Variants in SH3BGRL2 observed in about 807,000 individuals in gnomAD.
The protein encoded by SH3BGRL2 is SH3 domain binding glutamate rich protein like 2, also known as SH3 domain-binding glutamic acid-rich-like protein 2.
Under a neutral mutation model 14.8 loss-of-function variants are expected in SH3BGRL2, and 21 were observed. The observed-to-expected ratio is 1.42, with a 90% CI of 1.01 to 2.05. The LOEUF is 2.05. SH3BGRL2 is among the 30% of genes most tolerant of loss of function. The pLI is 0.00. For missense variants in SH3BGRL2, 147 were observed against 130.8 expected (o/e 1.12, Z -0.61); for synonymous variants, 50 against 47.8 (o/e 1.05, Z -0.19).
chr6:79,686,878 C>G (rs191132449), intron 2 of SH3BGRL2, among the ~76,000 whole-genome samples: 9 of 152,170 alleles, frequency 5.9e-5, no homozygotes, highest in Admixed American at 3.9e-4. Flanking sequence ...CTCAGGTGCC[C>G]GTGAAAGAGC....
intron 3 of SH3BGRL2, among the ~76,000 whole-genome samples, chr6:79,699,235 T>C (rs1031516327): frequency 1.3e-5 from 2 of 152,122 alleles, no homozygotes; most frequent in African/African-American, 4.8e-5. Flanking sequence ...ACAGTACCTC[T>C]GAGAGGAATC....
At chr6:79,631,961 GCT>G (rs1768834460) in intron 1 of SH3BGRL2, among the ~76,000 whole-genome samples, 1 of 152,166 alleles carries the variant, frequency 6.6e-6, no homozygotes, top group Non-Finnish European at 1.5e-5. Flanking sequence ...AGTGGGAATT[GCT>G]CTCTGTCCTC....
At chr6:79,664,479 A>G (rs1224200215) in intron 1 of SH3BGRL2, among the ~76,000 whole-genome samples, 2 of 152,210 alleles carry the variant, frequency 1.3e-5, no homozygotes, top group Admixed American at 6.5e-5. Flanking sequence ...CCAAGGTGAC[A>G]CAGACCCAAC....
At chr6:79,593,923 G>T in the SH3BGRL2 span, among the ~76,000 whole-genome samples, 3 of 151,912 alleles carry the variant, frequency 2.0e-5, no homozygotes, top group Non-Finnish European at 4.4e-5. Flanking sequence ...TCATCAGGAG[G>T]CTGAGGCAGG....
At chr6:79,655,301 G>T (rs1256352775) in intron 1 of SH3BGRL2, among the ~76,000 whole-genome samples, 1 of 152,090 alleles carries the variant, frequency 6.6e-6, no homozygotes, top group Admixed American at 6.5e-5. Context: ...AACTACTTTT[G>T]TACCATGGGT....
chr6:79,625,942 A>T, the SH3BGRL2 span, among the ~76,000 whole-genome samples: 2 of 152,150 alleles, frequency 1.3e-5, no homozygotes, highest in East Asian at 3.9e-4. Context: ...TAACAGCCAA[A>T]GGTGCTGACT....
At chr6:79,585,007 CTATTA>C in the SH3BGRL2 span, among the ~76,000 whole-genome samples, 1 of 150,044 alleles carries the variant, frequency 6.7e-6, no homozygotes, top group Non-Finnish European at 1.5e-5. Context: ...ACAAAATGTG[CTATTA>C]TTTTATGTAC....
chr6:79,629,202 CT>C (rs908417391), upstream of SH3BGRL2, among the ~76,000 whole-genome samples: 1 of 152,218 alleles, frequency 6.6e-6, no homozygotes, highest in Non-Finnish European at 1.5e-5. Context: ...ATCTCCAACT[CT>C]TTTTTACAAA....
intron 1 of SH3BGRL2, among the ~76,000 whole-genome samples, chr6:79,648,857 T>G (rs1245858750): frequency 6.6e-6 from 1 of 152,166 alleles, no homozygotes; most frequent in Non-Finnish European, 1.5e-5. Context: ...GGGACAAGAT[T>G]TATTTTACTG....
In SH3BGRL2 at chr6:79,700,057, G is replaced by A. The variant is rs1482405080; in HGVS notation, c.*548G>A. On this transcript the variant is annotated 3_prime_UTR_variant, in exon 4 of 4. Coordinates refer to ENST00000369838, the MANE Select transcript of SH3BGRL2 (RefSeq NM_031469.4). ...GTAATAACACCTGGTGAAAAAGTTAGATATTCTAGACTTGTTTTAGTAATG... is the reference window on the plus strand; with the variant it reads ...GTAATAACACCTGGTGAAAAAGTTAAATATTCTAGACTTGTTTTAGTAATG... 1.3e-5 allele frequency: 2 copies of A among 152,404 alleles called. No homozygotes were observed. The highest frequency in any genetic ancestry group is 2.9e-5 in the Non-Finnish European group (2 of 68,234). The allele number at this position is 152,404 out of a possible 1,614,324, so 9.4% of individuals were successfully genotyped here.
At chr6:79,555,988 G>A in the SH3BGRL2 span, among the ~76,000 whole-genome samples, 1 of 152,072 alleles carries the variant, frequency 6.6e-6, no homozygotes, top group Non-Finnish European at 1.5e-5. Context: ...AAATGATTCT[G>A]GGACATGTCG....
At position 79,700,863 on chromosome 6, in the gene SH3BGRL2, A is replaced by C. The variant is rs999355693; in HGVS notation, c.*1354A>C. The C allele has an allele frequency of 2.3e-4, 35 of 152,242 alleles. No individual in the cohort carries two copies. Among genetic ancestry groups the C allele is most frequent in the African/African-American group, 8.2e-4 (34 of 41,532 alleles). The allele number at this position is 152,242 out of a possible 1,614,324, so 9.4% of individuals were successfully genotyped here. On this transcript the variant is annotated 3_prime_UTR_variant, in exon 4 of 4. Coordinates refer to ENST00000369838, the MANE Select transcript of SH3BGRL2 (RefSeq NM_031469.4). ...CATGGGAACAGCCTTGAATAGGATA[A>C]ATTTTCAGAGGGCTGCCTAAAATAT...
the SH3BGRL2 span, among the ~76,000 whole-genome samples, chr6:79,622,225 T>C: frequency 6.6e-6 from 1 of 152,182 alleles, no homozygotes; most frequent in Non-Finnish European, 1.5e-5. Context: ...AAAGCCTGTC[T>C]TCATTTTAGG....
At chr6:79,568,222 C>A in the SH3BGRL2 span, among the ~76,000 whole-genome samples, 15 of 152,204 alleles carry the variant, frequency 9.9e-5, no homozygotes, top group Admixed American at 8.5e-4. Context: ...TAGGTATACA[C>A]CCCAGACTAT....
At chr6:79,648,289 ATATAT>A (rs561547295) in intron 1 of SH3BGRL2, among the ~76,000 whole-genome samples, 846 of 58,992 alleles carry the variant, frequency 0.014, 18 homozygotes, top group African/African-American at 0.047. Flanking sequence ...TATATTTGAC[ATATAT>A]TATATATAAT....
chr6:79,563,153 T>A, the SH3BGRL2 span, among the ~76,000 whole-genome samples: 11 of 151,760 alleles, frequency 7.2e-5, no homozygotes, highest in Non-Finnish European at 1.5e-4. Context: ...TATTTTTTTT[T>A]TTTTTAGTAG....
chr6:79,598,750 TTA>T, the SH3BGRL2 span, among the ~76,000 whole-genome samples: 3 of 152,150 alleles, frequency 2.0e-5, no homozygotes, highest in Non-Finnish European at 4.4e-5. Flanking sequence ...GGTAGACGAA[TTA>T]TATCTTAATG....
the SH3BGRL2 span, among the ~76,000 whole-genome samples, chr6:79,563,643 G>A: frequency 1.3e-5 from 2 of 152,162 alleles, no homozygotes; most frequent in African/African-American, 4.8e-5. Flanking sequence ...TGCCCCTGTA[G>A]CTTCAGCCAC....
At chr6:79,559,428 ACC>A in the SH3BGRL2 span, among the ~76,000 whole-genome samples, 5 of 152,208 alleles carry the variant, frequency 3.3e-5, no homozygotes, top group Non-Finnish European at 7.3e-5. Flanking sequence ...GGCATGGATA[ACC>A]CAAATCTAAT....
Sources: allele counts gnomAD v4.1 joint callset (sites outside exome capture counted in the v4.1 genomes callset), GRCh38; gene constraint gnomAD v4.1.1; transcripts MANE v1.5; gene names NCBI Gene and HGNC (gene_info 2026-07-23, HGNC 2026-07-21).